The following ATP8B1 variants were observed in gnomAD, a reference collection of about 807,000 sequenced individuals.
ATP8B1 encodes the protein phospholipid-transporting ATPase IC.
Under a neutral mutation model 149.9 loss-of-function variants are expected in ATP8B1, and 80 were observed. The ratio of observed to expected loss-of-function variants is 0.53; its 90% CI spans 0.45 to 0.64. The LOEUF (loss-of-function observed/expected upper bound fraction) is 0.64, where lower values mean the gene tolerates loss of function less well. ATP8B1 is among the 30% of genes least tolerant of loss of function. The pLI, the probability that ATP8B1 is intolerant of heterozygous loss-of-function variation, is 0.00. For synonymous variants in ATP8B1, 536 were observed against 562.8 expected (o/e 0.95, Z 0.67); for missense variants, 1,247 against 1,552.6 (o/e 0.80, Z 3.31).
At chr18:57,688,714 T>C in intron 12 of ATP8B1, 1 of 594,716 alleles carries the variant, frequency 1.7e-6, no homozygotes, top group Non-Finnish European at 3.0e-6. Context: ...CATTAGGTCA[T>C]GAGGGCTCCA....
Position 57,738,389 on chromosome 18 carries a change from C to A in ATP8B1, c.-25-6557G>T, listed in dbSNP as rs148061372. On this transcript the variant is annotated intron_variant, in intron 1 of 27. Transcript: ENST00000648908. ...CTGTAATCCCAGCACTTTGGAAGAC[C>A]GAGGCGGGTGGATCAACTGAGGTCA... 1.3e-5 allele frequency among the ~76,000 whole-genome samples: 2 copies of A among 152,074 alleles called. 1 individual carries two copies. The highest frequency in any genetic ancestry group is 4.1e-4 in the South Asian group (2 of 4,822).
chr18:57,770,666 G>A (rs938039289), intron 1 of ATP8B1, among the ~76,000 whole-genome samples: 3 of 152,230 alleles, frequency 2.0e-5, no homozygotes, highest in African/African-American at 7.2e-5. Flanking sequence ...CCAGCCAGTG[G>A]GGAGGCTACC....
intron 1 of ATP8B1, chr18:57,735,669 C>G (rs757284639): frequency 6.6e-6 from 1 of 152,150 alleles, no homozygotes; most frequent in Admixed American, 6.5e-5. Flanking sequence ...CCTGGCAGTA[C>G]GTATACTTTC....
intron 1 of ATP8B1, among the ~76,000 whole-genome samples, chr18:57,766,255 G>A (rs1239897831): frequency 1.3e-5 from 2 of 151,966 alleles, no homozygotes; most frequent in Admixed American, 1.3e-4. Context: ...ATATTGGCCA[G>A]GCTGGTCTCG....
At chr18:57,707,937 A>T (rs539294093) in intron 2 of ATP8B1, among the ~76,000 whole-genome samples, 64 of 151,458 alleles carry the variant, frequency 4.2e-4, no homozygotes, top group Middle Eastern at 6.8e-3. Flanking sequence ...TGGATGGATC[A>T]CTTGAGGTCA....
chr18:57,779,769 G>A (rs1404187152), intron 1 of ATP8B1, among the ~76,000 whole-genome samples: 3 of 151,864 alleles, frequency 2.0e-5, no homozygotes, highest in Non-Finnish European at 2.9e-5. Flanking sequence ...GCGTGGTGGC[G>A]GGTGCCTGTA....
chr18:57,649,655 C>G (rs962711227), intron 27 of ATP8B1, among the ~76,000 whole-genome samples: 2 of 152,108 alleles, frequency 1.3e-5, no homozygotes, highest in Non-Finnish European at 2.9e-5. Flanking sequence ...ATTTCCCTTG[C>G]TAAACTAGTC....
At chr18:57,795,795 A>G (rs2571222) in intron 1 of ATP8B1, among the ~76,000 whole-genome samples, 25,286 of 152,112 alleles carry the variant, frequency 0.17, 2,939 homozygotes, top group East Asian at 0.44. Context: ...ATGGTTGCAC[A>G]ACAATGTGAA....
intron 1 of ATP8B1, among the ~76,000 whole-genome samples, chr18:57,734,867 T>C (rs1285673550): frequency 6.6e-6 from 1 of 152,194 alleles, no homozygotes; most frequent in Non-Finnish European, 1.5e-5. Flanking sequence ...TATGAATCCC[T>C]AAGTCTAGCT....
intron 2 of ATP8B1, 56 bp from the exon 3 acceptor site, chr18:57,706,643 T>A: frequency 2.2e-6 from 3 of 1,361,100 alleles, no homozygotes. Flanking sequence ...TTGTTATGAG[T>A]TGAATTGTGT....
At chr18:57,772,640 CGTG>C (rs113026186) in intron 1 of ATP8B1, among the ~76,000 whole-genome samples, 9,013 of 152,198 alleles carry the variant, frequency 0.059, 336 homozygotes, top group Middle Eastern at 0.078. Flanking sequence ...GTCCCGACCT[CGTG>C]GCAGGTATTC....
rs1350701706 is a variant in ATP8B1 at position 57,747,209 on chromosome 18, T to C, written c.-25-15377A>G. Among the ~76,000 whole-genome samples the C allele has an allele frequency of 2.0e-5, 3 of 152,210 alleles. No homozygotes were observed. In the East Asian group the frequency reaches 5.8e-4, roughly 29 times the overall value. Reference sequence around the variant, plus strand: ...GGCTCATACCTGTAATCCCAGCACTTTGGGAAGCCGAGGTGGGTGGATCAC... The same window carrying C: ...GGCTCATACCTGTAATCCCAGCACTCTGGGAAGCCGAGGTGGGTGGATCAC... On this transcript the variant is annotated intron_variant, in intron 1 of 27. Coordinates refer to ENST00000648908, the MANE Select transcript of ATP8B1 (RefSeq NM_001374385.1).
At chr18:57,752,599 A>G (rs1405937892) in intron 1 of ATP8B1, among the ~76,000 whole-genome samples, 2 of 152,206 alleles carry the variant, frequency 1.3e-5, no homozygotes, top group Non-Finnish European at 1.5e-5. Context: ...TATAATTCTT[A>G]TATTTCCCCC....
At chr18:57,692,764 A>G (rs551756715) in intron 11 of ATP8B1, among the ~76,000 whole-genome samples, 2 of 152,168 alleles carry the variant, frequency 1.3e-5, no homozygotes, top group East Asian at 1.9e-4. Flanking sequence ...AATTTCACCT[A>G]TATTTGGGCG....
intron 2 of ATP8B1, among the ~76,000 whole-genome samples, chr18:57,713,235 CCTTCCTT>C (rs1568207616): frequency 1.5e-5 from 2 of 129,528 alleles, no homozygotes; most frequent in Non-Finnish European, 3.2e-5. Context: ...TTCCTTCCTT[CCTTCCTT>C]CTTTCTTTCT....
intron 16 of ATP8B1, among the ~76,000 whole-genome samples, 196 bp downstream of exon 16, chr18:57,674,637 CG>C (rs1187495670): frequency 6.6e-6 from 1 of 152,088 alleles, no homozygotes; most frequent in Non-Finnish European, 1.5e-5. Flanking sequence ...CCACCCGCCT[CG>C]GCCTCCCAAA....
At chr18:57,709,550 T>C (rs1455959974) in intron 2 of ATP8B1, among the ~76,000 whole-genome samples, 1 of 152,214 alleles carries the variant, frequency 6.6e-6, no homozygotes, top group Non-Finnish European at 1.5e-5. Flanking sequence ...ATTGACCTTT[T>C]TGAGCAAATA....
chr18:57,674,934 G>C lies in ATP8B1; in HGVS notation c.1719C>G (p.Thr573=), dbSNP rs1403302859. The C allele has an allele frequency of 6.2e-7, 1 of 1,614,126 alleles. No homozygotes were observed. Among genetic ancestry groups the C allele is most frequent in the East Asian group, 2.2e-5 (1 of 44,900 alleles). The change falls in exon 16 of 28, where the codon ACC becomes ACG. Residue 573 remains threonine, a synonymous_variant. Transcript: ENST00000648908. The stretch of plus-strand genomic sequence containing the variant: ...GTTCACTGATGGTGATGGTGTTCTG[G>C]GTCCTGGCGAGGAAGGCAAAGCCAA... ...RNFGFAFLAR[T]QNTITISELG... is the part of the protein sequence containing the mutation.
intron 2 of ATP8B1, among the ~76,000 whole-genome samples, chr18:57,713,769 A>T (rs79147261): frequency 0.037 from 2,135 of 58,108 alleles, 5 homozygotes; most frequent in East Asian, 0.054. Context: ...GGATTACAGG[A>T]GTGAGCCACC....
Sources: allele counts gnomAD v4.1 joint callset (sites outside exome capture counted in the v4.1 genomes callset), GRCh38; gene constraint gnomAD v4.1.1; transcripts MANE v1.5; gene names NCBI Gene and HGNC (gene_info 2026-07-23, HGNC 2026-07-21).